DLG2: variants seen among roughly 807,000 people sequenced by gnomAD.
DLG2 encodes disks large homolog 2.
In DLG2, 45 loss-of-function variants were observed where a neutral mutation model predicts 132.5. That is an observed-to-expected ratio of 0.34 (90% CI 0.27 to 0.44). The LOEUF is 0.44. DLG2 is among the 20% of genes least tolerant of loss of function. The probability of loss-of-function intolerance (pLI) is 1.00; values close to 1 mark genes in which losing one functional copy is unlikely to be tolerated. For synonymous variants in DLG2, 424 were observed against 419.6 expected (o/e 1.01, Z -0.13); for missense variants, 1,045 against 1,196.9 (o/e 0.87, Z 1.87).
At chr11:84,385,213 G>C (rs921097783) in intron 7 of DLG2, among the ~76,000 whole-genome samples, 4 of 151,796 alleles carry the variant, frequency 2.6e-5, no homozygotes, top group African/African-American at 9.7e-5. Context: ...ATCTAAAGCA[G>C]TAAAATTTTT....
chr11:83,613,810 G>A (rs951288465), intron 19 of DLG2, among the ~76,000 whole-genome samples: 3 of 152,110 alleles, frequency 2.0e-5, no homozygotes, highest in Non-Finnish European at 2.9e-5. Flanking sequence ...TAAAATAGTG[G>A]TTCTCAGATT....
intron 6 of DLG2, among the ~76,000 whole-genome samples, chr11:84,940,836 T>C (rs1331378454): frequency 6.6e-6 from 1 of 152,224 alleles, no homozygotes; most frequent in Admixed American, 6.5e-5. Flanking sequence ...CTCAATGTTT[T>C]CTTTCAGTAG....
intron 9 of DLG2, among the ~76,000 whole-genome samples, chr11:84,150,330 C>T (rs2095254100): frequency 6.6e-6 from 1 of 152,020 alleles, no homozygotes; most frequent in Admixed American, 6.6e-5. Context: ...CTACTGTATC[C>T]TGCTGTAAAT....
At chr11:85,170,936 T>TA (rs199820219) in intron 4 of DLG2, among the ~76,000 whole-genome samples, 14,616 of 130,124 alleles carry the variant, frequency 0.11, 971 homozygotes, top group African/African-American at 0.21. Flanking sequence ...GCATAACAAA[T>TA]AAAAAAAAAA....
At chr11:83,882,672 A>T (rs1300934611) in intron 15 of DLG2, among the ~76,000 whole-genome samples, 1 of 152,244 alleles carries the variant, frequency 6.6e-6, no homozygotes, top group Non-Finnish European at 1.5e-5. Context: ...TAAAACTTAA[A>T]GTGAAGTAAT....
intron 16 of DLG2, among the ~76,000 whole-genome samples, chr11:83,850,992 C>T (rs889701718): frequency 4.6e-5 from 7 of 152,036 alleles, no homozygotes; most frequent in South Asian, 2.1e-4. Flanking sequence ...CTGGCTAACA[C>T]GGTGAAACCC....
intron 6 of DLG2, among the ~76,000 whole-genome samples, chr11:84,746,259 A>G (rs948953109): frequency 3.3e-5 from 5 of 151,970 alleles, no homozygotes; most frequent in Non-Finnish European, 7.4e-5. Flanking sequence ...AAGAAAAAAA[A>G]AAAAAAGAAA....
chr11:85,505,004 C>A (rs2153139518), intron 3 of DLG2, among the ~76,000 whole-genome samples: 1 of 152,238 alleles, frequency 6.6e-6, no homozygotes, highest in South Asian at 2.1e-4. Context: ...CATGATTTGG[C>A]TCTCTGTTTG....
chr11:83,791,314 T>G (rs2041502780), intron 17 of DLG2: 1 of 674,436 alleles, frequency 1.5e-6, no homozygotes, highest in Non-Finnish European at 2.6e-6. Context: ...GCCTTTTGGC[T>G]TCTGTTTGGC....
At chr11:83,880,143 C>T (rs777277284) in intron 15 of DLG2, among the ~76,000 whole-genome samples, 1 of 152,056 alleles carries the variant, frequency 6.6e-6, no homozygotes. Flanking sequence ...CAATGAATAC[C>T]CTGCCAAGGT....
At chr11:84,443,989 T>G (rs897426154) in intron 7 of DLG2, among the ~76,000 whole-genome samples, 2 of 151,422 alleles carry the variant, frequency 1.3e-5, no homozygotes, top group Non-Finnish European at 2.9e-5. Flanking sequence ...TGTTTTGCTT[T>G]TCATCAATAA....
intron 6 of DLG2, among the ~76,000 whole-genome samples, chr11:84,794,375 T>A (rs1272730014): frequency 6.6e-6 from 1 of 152,078 alleles, no homozygotes; most frequent in East Asian, 1.9e-4. Flanking sequence ...ATAGGGGAGG[T>A]ACAGCTGGGG....
chr11:85,186,245 A>G (rs976710859), intron 4 of DLG2, among the ~76,000 whole-genome samples: 1 of 152,080 alleles, frequency 6.6e-6, no homozygotes, highest in Non-Finnish European at 1.5e-5. Flanking sequence ...AAATTAATTT[A>G]AATAATATAT....
At chr11:84,261,656 C>A (rs1171047615) in intron 7 of DLG2, among the ~76,000 whole-genome samples, 2 of 152,120 alleles carry the variant, frequency 1.3e-5, no homozygotes, top group East Asian at 1.9e-4. Flanking sequence ...TGTCTCCGTG[C>A]AGAAATTGTA....
chr11:85,501,199 G>A (rs965668141), intron 3 of DLG2, among the ~76,000 whole-genome samples: 4 of 152,150 alleles, frequency 2.6e-5, no homozygotes, highest in Non-Finnish European at 5.9e-5. Flanking sequence ...ATGGTGCTGG[G>A]AAAACTGGCT....
chr11:83,993,446 A>G (rs1364471319), intron 11 of DLG2, among the ~76,000 whole-genome samples: 1 of 152,178 alleles, frequency 6.6e-6, no homozygotes, highest in East Asian at 1.9e-4. Context: ...AATGAAGAGT[A>G]TGTCAGTCTC....
intron 3 of DLG2, among the ~76,000 whole-genome samples, chr11:85,556,228 T>A (rs985391832): frequency 1.9e-4 from 29 of 151,882 alleles, no homozygotes; most frequent in African/African-American, 7.0e-4. Context: ...TATAAAATCT[T>A]ATTATGTAAT....
At chr11:85,407,830 T>G (rs762172728) in intron 3 of DLG2, among the ~76,000 whole-genome samples, 9 of 151,834 alleles carry the variant, frequency 5.9e-5, no homozygotes, top group Non-Finnish European at 1.0e-4. Flanking sequence ...GAGGTGTTAA[T>G]TTCCATGTAC....
chr11:84,429,206 A>G (rs1278469013), intron 7 of DLG2, among the ~76,000 whole-genome samples: 1 of 152,174 alleles, frequency 6.6e-6, no homozygotes, highest in Non-Finnish European at 1.5e-5. Context: ...GTTCTGTTTC[A>G]TCTAGTGCTA....
Sources: gnomAD v4.1 joint callset for allele counts (sites outside exome capture counted in the v4.1 genomes callset) on GRCh38, gnomAD v4.1.1 for gene constraint, MANE v1.5 for transcripts, NCBI Gene and HGNC (gene_info 2026-07-23, HGNC 2026-07-21) for gene names.